LMNTD2: variants seen among roughly 807,000 people sequenced by gnomAD.
LMNTD2 encodes lamin tail domain-containing protein 2.
In LMNTD2, 83 loss-of-function variants were observed where a neutral mutation model predicts 70.1. The observed-to-expected ratio is 1.18, with a 90% CI of 0.99 to 1.42. The LOEUF is 1.42. LMNTD2 is among the 40% of genes most tolerant of loss of function. The pLI is 0.00. For synonymous variants in LMNTD2, 534 were observed against 406.1 expected, an observed-to-expected ratio of 1.31 and a Z score of -3.79; for missense variants, 1,153 against 905.9, an observed-to-expected ratio of 1.27 and a Z score of -3.50.
At chr11:559,290 G>C in intron 1 of LMNTD2, 1 of 1,457,668 alleles carries the variant, frequency 6.9e-7, no homozygotes, top group Non-Finnish European at 9.2e-7. Flanking sequence ...CTGTGATGTG[G>C]TGTCCCTCTT....
In LMNTD2 at chr11:557,593, G is replaced by T. The variant is rs761325985; in HGVS notation, c.603C>A (p.Asn201Lys). The change falls in exon 6 of 14, where the codon AAC becomes AAA. Residue 201 changes from asparagine (N) to lysine (K), a missense_variant. Coordinates refer to ENST00000329451, the MANE Select transcript of LMNTD2 (RefSeq NM_173573.3). ...TCACCTCCCCGGTGGGGGCCTGAAT[G>T]TTTTCAGAGAGGTCGCTTGGGTCCA... ...TLMDPSDLSE[N>K]IQAPTGEGFR... 2 of 1,613,342 alleles carry T rather than the reference G, an allele frequency of 1.2e-6. No individual in the cohort carries two copies. The highest frequency in any genetic ancestry group is 1.1e-5 in the South Asian group (1 of 91,092).
At position 555,097 on chromosome 11, in the gene LMNTD2, G is replaced by C; in HGVS notation, c.1788C>G (p.Ser596Arg). 6.5e-7 allele frequency: 1 copy of C among 1,541,626 alleles called. No individual in the cohort carries two copies. The change falls in exon 14 of 14, where the codon AGC becomes AGG. Residue 596 changes from serine (S) to arginine (R), a missense_variant. Transcript: ENST00000329451. ...KEHRVRVCRK[S>R]VDRSCPLVAL... ...CCACCAGGGGGCAGCTACGGTCCAC[G>C]CTCTTCCGGCACACCTGGGGGGCGC...
At position 556,881 on chromosome 11, in the gene LMNTD2, G is replaced by C. The variant is rs1385546139; in HGVS notation, c.930C>G (p.Ser310=). ...TGCCGGCCTGCACCAGCGCTTGCTCGGAGGAAGCGCGGTGGTCCCGGGGCG... is the reference window on the plus strand; with the variant it reads ...TGCCGGCCTGCACCAGCGCTTGCTCCGAGGAAGCGCGGTGGTCCCGGGGCG... ...GHPPRDHRAS[S]EQALVQAGSY... The change falls in exon 8 of 14, where the codon TCC becomes TCG. Residue 310 remains serine (S), a synonymous_variant. Transcript: ENST00000329451. 4 of 1,593,832 alleles carry C rather than the reference G, an allele frequency of 2.5e-6. No individual in the cohort carries two copies. Among genetic ancestry groups the C allele is most frequent in the Admixed American group, 3.4e-5 (2 of 57,998 alleles).
chr11:555,208 G>GGCGGGGAGGAGAGCGGAGGA lies in LMNTD2; in HGVS notation c.1773+96_1773+97insTCCTCCGCTCTCCTCCCCGC, dbSNP rs1371198036. On this transcript the variant is annotated intron_variant, in intron 13 of 13. Coordinates refer to ENST00000329451, the MANE Select transcript of LMNTD2 (RefSeq NM_173573.3). ...GGAGGGGCGGGGAGGAGAGCGGAGG[G>GGCGGGGAGGAGAGCGGAGGA]GAGGGGACGAGGAGACAGAGGGGAG... The GGCGGGGAGGAGAGCGGAGGA allele has an allele frequency of 6.4e-4, 363 of 568,060 alleles. 4 individuals are homozygous for GGCGGGGAGGAGAGCGGAGGA. The East Asian group carries it at 0.013, about 20-fold the overall frequency. The allele number at this position is 568,060 out of a possible 1,614,324, so 35.2% of individuals were successfully genotyped here. A position where few individuals can be genotyped will look rare whatever the true frequency, so the allele number is the denominator to read the frequency against.
Position 554,897 on chromosome 11 carries a change from T to C in LMNTD2, c.*83A>G, listed in dbSNP as rs2134085742. 3 of 992,022 alleles carry C rather than the reference T, an allele frequency of 3.0e-6. No individual in the cohort carries two copies. The highest frequency in any genetic ancestry group is 4.2e-6 in the Non-Finnish European group (3 of 713,890). 61.5% of individuals were successfully genotyped at this position (992,022 alleles called of 1,614,324 possible). On this transcript the variant is annotated 3_prime_UTR_variant, in exon 14 of 14. Coordinates refer to ENST00000329451, the MANE Select transcript of LMNTD2 (RefSeq NM_173573.3). The stretch of plus-strand genomic sequence containing the variant: ...TACTTTGTAGGCCACGTTGGTTCAA[T>C]AAATGATGCAGCGGACACAGCCCGC...
rs574640056 is a variant in LMNTD2 at position 556,267 on chromosome 11, C to T, written c.1182G>A (p.Gln394=). Residue 394 remains glutamine, a synonymous_variant, in exon 10 of 14, where the codon CAG becomes CAA. Coordinates refer to ENST00000329451, the MANE Select transcript of LMNTD2 (RefSeq NM_173573.3). ...GGCGCTCCGGGAAGCCGCGCACCAGCTGCTTCAGCACCATGCCGCTCAGGT... is the reference window on the plus strand; with the variant it reads ...GGCGCTCCGGGAAGCCGCGCACCAGTTGCTTCAGCACCATGCCGCTCAGGT... The part of the protein sequence containing the change: ...TADLSGMVLK[Q]LVRGFPERLY... 1 of 1,532,414 alleles carries T rather than the reference C, an allele frequency of 6.5e-7. No homozygotes were observed. Among genetic ancestry groups the T allele is most frequent in the East Asian group, 2.5e-5 (1 of 40,378 alleles). 94.9% of individuals were successfully genotyped at this position (1,532,414 alleles called of 1,614,324 possible). A position where few individuals can be genotyped will look rare whatever the true frequency, so the allele number is the denominator to read the frequency against.
chr11:559,327 GC>G, intron 1 of LMNTD2: 7 of 1,380,936 alleles, frequency 5.1e-6, no homozygotes, highest in Non-Finnish European at 5.8e-6. Context: ...CCAGCTCAGG[GC>G]CCTACCCCCA....
In LMNTD2 at chr11:556,287, T is replaced by C. The variant is rs1156900729; in HGVS notation, c.1162A>G (p.Ser388Gly). Residue 388 changes from serine (S) to glycine (G), a missense_variant, in exon 10 of 14, where the codon AGC (serine) becomes GGC (glycine). Ser to Gly is a moderately conservative substitution (Grantham distance 56). Coordinates refer to ENST00000329451, the MANE Select transcript of LMNTD2 (RefSeq NM_173573.3). ...ACCAGCTGCTTCAGCACCATGCCGC[T>C]CAGGTCGGCCGTGCTCTCCTGCGAC... ...NPSQESTADL[S>G]GMVLKQLVRG... 7 of 1,535,282 alleles carry C rather than the reference T, an allele frequency of 4.6e-6. No homozygotes were observed. The highest frequency in any genetic ancestry group is 5.2e-6 in the Non-Finnish European group (6 of 1,146,634).
At position 556,515 on chromosome 11, in the gene LMNTD2, G is replaced by C. The variant is rs752426569; in HGVS notation, c.1050C>G (p.His350Gln). The C allele has an allele frequency of 1.3e-6, 2 of 1,554,992 alleles. No homozygotes were observed. The highest frequency in any genetic ancestry group is 1.7e-6 in the Non-Finnish European group (2 of 1,149,366). ...LSPQPCTDPD[H>Q]WSPELLQSPT... ...ACCTCTGCAGGAGTTCCGGGCTCCA[G>C]TGGTCCGGGTCTGTGCAGGGCTGGG... is the stretch of plus-strand genomic sequence containing the variant. Residue 350 changes from histidine to glutamine, a missense_variant, in exon 9 of 14, where the codon CAC becomes CAG. By Grantham distance (24) the His-to-Gln change is conservative. Transcript: ENST00000329451.
chr11:555,234 G>GA, intron 13 of LMNTD2, 71 bp downstream of exon 13: 1 of 1,143,800 alleles, frequency 8.7e-7, no homozygotes. Context: ...CAGAGGGGAG[G>GA]GAGGGGCGGG....
rs766026788 is a variant in LMNTD2, at chr11:556,150, C to CGGGCCGGGCCGTCG, written c.1257+28_1258-36dup. ...CGTGGAGCGGCGGGTGAGGGGCGGC[C>CGGGCCGGGCCGTCG]GGGCCGGGCCGTCGGGGCCGGGCTC... On this transcript the variant is annotated intron_variant, in intron 10 of 13. Transcript: ENST00000329451. The CGGGCCGGGCCGTCG allele has an allele frequency of 1.4e-5, 18 of 1,309,080 alleles. 1 individual carries two copies. In the South Asian group the frequency reaches 2.8e-4, roughly 20 times the overall value. The allele number at this position is 1,309,080 out of a possible 1,614,324, so 81.1% of individuals were successfully genotyped here. A position where few individuals can be genotyped will look rare whatever the true frequency, so the allele number is the denominator to read the frequency against.
Position 557,968 on chromosome 11 carries a change from C to T in LMNTD2, c.471G>A (p.Gln157=). The T allele has an allele frequency of 6.2e-7, 1 of 1,600,120 alleles. No homozygotes were observed. Among genetic ancestry groups the T allele is most frequent in the Non-Finnish European group, 8.5e-7 (1 of 1,172,360 alleles). ...GCAGGAGGCAGGACTTCTGCAAGTT[C>T]TGCAGCTCGGCCTCCATCTCCTGGA... ...RTLQEMEAEL[Q]NLQKSCLLQL... The change falls in exon 5 of 14, where the codon CAG becomes CAA. Residue 157 remains glutamine, a synonymous_variant. Coordinates refer to ENST00000329451, the MANE Select transcript of LMNTD2 (RefSeq NM_173573.3).
At chr11:555,158 GGAGGGGAGGGGAGGGGAGGA>G (rs754686413) in intron 13 of LMNTD2, 47 bp from the exon 14 acceptor site, 30 of 262,462 alleles carry the variant, frequency 1.1e-4, no homozygotes, top group Non-Finnish European at 1.8e-4. Context: ...GGCGGGGACG[GGAGGGGAGGGGAGGGGAGGA>G]GAGGGGAGGG....
chr11:560,376 T>TA, intron 1 of LMNTD2: 1 of 1,197,030 alleles, frequency 8.4e-7, no homozygotes, highest in Non-Finnish European at 1.0e-6. Flanking sequence ...GAGCCTCAGC[T>TA]AGAGTCCGGG....
chr11:560,723 G>GT lies in LMNTD2; in HGVS notation c.-8dup. 3 of 1,430,224 alleles carry GT rather than the reference G, an allele frequency of 2.1e-6. No individual in the cohort carries two copies. Among genetic ancestry groups the GT allele is most frequent in the African/African-American group, 1.5e-5 (1 of 67,588 alleles). The allele number at this position is 1,430,224 out of a possible 1,614,324, so 88.6% of individuals were successfully genotyped here. On this transcript the variant is annotated 5_prime_UTR_variant, in exon 1 of 14. Coordinates refer to ENST00000329451, the MANE Select transcript of LMNTD2 (RefSeq NM_173573.3). Reference sequence around the variant, plus strand: ...CGGGCCGCAGCCACCGCATTTCCGCGTTTTTCGCGGTAGGCGGGAGGTGGG... The same window carrying GT: ...CGGGCCGCAGCCACCGCATTTCCGCGTTTTTTCGCGGTAGGCGGGAGGTGGG...
rs772929924 is a variant in LMNTD2 at position 557,098 on chromosome 11, C to G, written c.714-1G>C. 58 of 1,587,268 alleles carry G rather than the reference C, an allele frequency of 3.7e-5. 1 individual carries two copies. The highest frequency in any genetic ancestry group is 3.9e-5 in the Non-Finnish European group (45 of 1,166,038). On this transcript the variant is annotated splice_acceptor_variant, in intron 7 of 13. Coordinates refer to ENST00000329451, the MANE Select transcript of LMNTD2 (RefSeq NM_173573.3). LOFTEE classifies it high-confidence loss of function. Reference sequence around the variant, plus strand: ...CAGCTGTGGCCAGGGCCGGGGCTGCCTGTGGACCACGCTCTGCTTGATGGC... The same window carrying G: ...CAGCTGTGGCCAGGGCCGGGGCTGCGTGTGGACCACGCTCTGCTTGATGGC...
intron 7 of LMNTD2, 21 bp from the exon 8 acceptor site, chr11:557,118 G>A (rs377645123): frequency 1.3e-6 from 2 of 1,566,990 alleles, no homozygotes; most frequent in Admixed American, 1.8e-5. Flanking sequence ...CGCTCTGCTT[G>A]ATGGCCACTC....
In LMNTD2 at chr11:556,293, C is replaced by T; in HGVS notation, c.1156G>A (p.Asp386Asn). ...IFNPSQESTADLSGMVLKQLV... is the reference protein window; with the variant it reads ...IFNPSQESTANLSGMVLKQLV... ...TGCTTCAGCACCATGCCGCTCAGGTCGGCCGTGCTCTCCTGCGACGGGTTG... is the reference window on the plus strand; with the variant it reads ...TGCTTCAGCACCATGCCGCTCAGGTTGGCCGTGCTCTCCTGCGACGGGTTG... Residue 386 changes from aspartate to asparagine, a missense_variant, in exon 10 of 14, where the codon GAC becomes AAC. Coordinates refer to ENST00000329451, the MANE Select transcript of LMNTD2 (RefSeq NM_173573.3). 5 of 1,535,528 alleles carry T rather than the reference C, an allele frequency of 3.3e-6. No individual in the cohort carries two copies. The highest frequency in any genetic ancestry group is 2.4e-5 in the East Asian group (1 of 40,908).
chr11:554,948 T>G lies in LMNTD2; in HGVS notation c.*32A>C. 1.4e-6 allele frequency: 2 copies of G among 1,465,734 alleles called. No individual in the cohort carries two copies. Among genetic ancestry groups the G allele is most frequent in the Non-Finnish European group, 1.8e-6 (2 of 1,112,628 alleles). The allele number at this position is 1,465,734 out of a possible 1,614,324, so 90.8% of individuals were successfully genotyped here. On this transcript the variant is annotated 3_prime_UTR_variant, in exon 14 of 14. Transcript: ENST00000329451. Reference sequence around the variant, plus strand: ...CCAGCCCCGGCGCCCGCCCGCGCCCTCCCTCGCGGTCCCGGCCCCACTCCT... The same window carrying G: ...CCAGCCCCGGCGCCCGCCCGCGCCCGCCCTCGCGGTCCCGGCCCCACTCCT...
Sources: gnomAD v4.1 joint callset for allele counts on GRCh38, gnomAD v4.1.1 for gene constraint, MANE v1.5 for transcripts, NCBI Gene and HGNC (gene_info 2026-07-23, HGNC 2026-07-21) for gene names.